DRC9: variants seen among roughly 807,000 people sequenced by gnomAD.
The protein encoded by DRC9 is dynein regulatory complex protein 9.
the DRC9 span, among the ~76,000 whole-genome samples, chr3:197,903,263 C>T: frequency 6.6e-6 from 1 of 152,198 alleles, no homozygotes; most frequent in Non-Finnish European, 1.5e-5. Flanking sequence ...CTCTCCAGGA[C>T]ATTGGACTGG....
chr3:197,890,055 A>AAGAATGTT, the DRC9 span, among the ~76,000 whole-genome samples: 7 of 152,190 alleles, frequency 4.6e-5, no homozygotes, highest in African/African-American at 1.7e-4. Flanking sequence ...TTGAACCAAA[A>AAGAATGTT]AGAATGTTAG....
At chr3:197,917,238 G>A in the DRC9 span, among the ~76,000 whole-genome samples, 4 of 152,330 alleles carry the variant, frequency 2.6e-5, no homozygotes, top group East Asian at 7.7e-4. Flanking sequence ...ACTCCCTTGA[G>A]CCCCGGAGGC....
chr3:197,915,780 C>G, the DRC9 span, among the ~76,000 whole-genome samples: 1 of 151,862 alleles, frequency 6.6e-6, no homozygotes, highest in Non-Finnish European at 1.5e-5. Flanking sequence ...CAGGTGCTCA[C>G]CACCACACCC....
chr3:197,952,074 AT>A, the DRC9 span, among the ~76,000 whole-genome samples: 3 of 148,178 alleles, frequency 2.0e-5, no homozygotes, highest in Admixed American at 2.0e-4. Context: ...AAGGTTTCTA[AT>A]TTTTTTTCTC....
At chr3:197,939,352 T>A in the DRC9 span, among the ~76,000 whole-genome samples, 2 of 152,208 alleles carry the variant, frequency 1.3e-5, no homozygotes, top group Non-Finnish European at 2.9e-5. Flanking sequence ...CATTTAGTGG[T>A]GTGGTGTAGA....
chr3:197,904,095 T>TACATAC, the DRC9 span, among the ~76,000 whole-genome samples: 1 of 45,376 alleles, frequency 2.2e-5, no homozygotes, highest in Non-Finnish European at 4.4e-5. Flanking sequence ...TACATATATA[T>TACATAC]ATATATATAT....
the DRC9 span, among the ~76,000 whole-genome samples, chr3:197,902,937 A>C: frequency 3.3e-4 from 50 of 152,300 alleles, no homozygotes; most frequent in African/African-American, 1.2e-3. Context: ...TATACTATAG[A>C]GCTATAGTAA....
chr3:197,899,337 G>A, the DRC9 span, among the ~76,000 whole-genome samples: 25 of 152,294 alleles, frequency 1.6e-4, no homozygotes, highest in Admixed American at 1.4e-3. Context: ...TCCAATTCAC[G>A]CTGCCAAGCA....
At chr3:197,889,672 C>A in the DRC9 span, 1 of 1,614,084 alleles carries the variant, frequency 6.2e-7, no homozygotes, top group Non-Finnish European at 8.5e-7. Flanking sequence ...TTGAAACCAC[C>A]AATTTCTCTC....
chr3:197,925,757 T>C, the DRC9 span, among the ~76,000 whole-genome samples: 3 of 151,884 alleles, frequency 2.0e-5, no homozygotes, highest in Non-Finnish European at 4.4e-5. Context: ...CTAATTTTTG[T>C]ATTTTTAGTA....
chr3:197,951,997 T>G, the DRC9 span, among the ~76,000 whole-genome samples: 4 of 152,170 alleles, frequency 2.6e-5, no homozygotes, highest in Non-Finnish European at 4.4e-5. Flanking sequence ...GAGGGTGGTG[T>G]TGGATTTAGG....
the DRC9 span, among the ~76,000 whole-genome samples, chr3:197,920,284 G>A: frequency 2.6e-5 from 4 of 151,874 alleles, no homozygotes; most frequent in African/African-American, 7.3e-5. Flanking sequence ...GATACTATAC[G>A]AGTCCATAGA....
the DRC9 span, among the ~76,000 whole-genome samples, chr3:197,905,851 AAAG>A: frequency 1.3e-5 from 2 of 152,120 alleles, no homozygotes; most frequent in African/African-American, 4.8e-5. Flanking sequence ...TTAACATATT[AAAG>A]AAGAGAAAAC....
chr3:197,913,126 T>G, the DRC9 span: 1 of 185,986 alleles, frequency 5.4e-6, no homozygotes, highest in Non-Finnish European at 1.1e-5. Flanking sequence ...CACACACAGA[T>G]TCCACGGCCC....
the DRC9 span, among the ~76,000 whole-genome samples, chr3:197,946,942 C>A: frequency 6.6e-6 from 1 of 152,270 alleles, no homozygotes; most frequent in South Asian, 2.1e-4. Context: ...CCTGCCTCAG[C>A]CTCCCGAGTA....
At chr3:197,954,983 C>G in the DRC9 span, among the ~76,000 whole-genome samples, 1 of 152,174 alleles carries the variant, frequency 6.6e-6, no homozygotes, top group Non-Finnish European at 1.5e-5. Flanking sequence ...AACAGACTCT[C>G]ATGTTCCTAG....
the DRC9 span, among the ~76,000 whole-genome samples, chr3:197,944,953 C>CT: frequency 2.0e-5 from 3 of 152,224 alleles, no homozygotes; most frequent in Admixed American, 6.5e-5. Flanking sequence ...CCAAAATTAA[C>CT]TTTTTTTTCC....
At chr3:197,922,684 C>T in the DRC9 span, among the ~76,000 whole-genome samples, 6 of 150,932 alleles carry the variant, frequency 4.0e-5, no homozygotes, top group South Asian at 2.1e-4. Context: ...CCAGCCTGGG[C>T]GACAGAGCTA....
chr3:197,937,093 G>A, the DRC9 span, among the ~76,000 whole-genome samples: 1 of 152,210 alleles, frequency 6.6e-6, no homozygotes, highest in African/African-American at 2.4e-5. Context: ...ACAAATGGGC[G>A]ATGCCGTATT....
Sources: gnomAD v4.1 joint callset for allele counts (sites outside exome capture counted in the v4.1 genomes callset) on GRCh38, gnomAD v4.1.1 for gene constraint, MANE v1.5 for transcripts, NCBI Gene and HGNC (gene_info 2026-07-23, HGNC 2026-07-21) for gene names.